HNRNPLL: variants seen among roughly 807,000 people sequenced by gnomAD.
The protein encoded by HNRNPLL is heterogeneous nuclear ribonucleoprotein L-like.
A neutral mutation model predicts 67.1 loss-of-function variants in HNRNPLL; 25 were observed. That is an observed-to-expected ratio of 0.37 (90% CI 0.27 to 0.52). The LOEUF is 0.52. HNRNPLL is among the 20% of genes least tolerant of loss of function. The pLI is 0.90. For synonymous variants in HNRNPLL, 267 were observed against 241.7 expected (o/e 1.10, Z -0.97); for missense variants, 542 against 673.9 (o/e 0.80, Z 2.17).
At chr2:38,573,675 C>T (rs1169511451) in intron 7 of HNRNPLL, among the ~76,000 whole-genome samples, 1 of 151,828 alleles carries the variant, frequency 6.6e-6, no homozygotes, top group African/African-American at 2.4e-5. Context: ...TATAAGCTTA[C>T]ATTTTTAAAA....
intron 8 of HNRNPLL, among the ~76,000 whole-genome samples, chr2:38,572,404 G>A (rs1378387646): frequency 6.6e-6 from 1 of 152,004 alleles, no homozygotes; most frequent in Non-Finnish European, 1.5e-5. Flanking sequence ...AGAACTTACT[G>A]TTGCAAAGAA....
chr2:38,587,977 T>C (rs1666800986), intron 2 of HNRNPLL, among the ~76,000 whole-genome samples: 2 of 152,008 alleles, frequency 1.3e-5, no homozygotes, highest in South Asian at 4.1e-4. Flanking sequence ...TCTCCTCTCT[T>C]TTTTTTCTCT....
At chr2:38,576,705 CCCAAGACTA>C (rs2148350353) in intron 7 of HNRNPLL, among the ~76,000 whole-genome samples, 1 of 151,938 alleles carries the variant, frequency 6.6e-6, no homozygotes, top group South Asian at 2.1e-4. Context: ...GGTGACCAAT[CCCAAGACTA>C]CAATATAGCA....
At chr2:38,594,970 C>T (rs1369032282) in intron 1 of HNRNPLL, among the ~76,000 whole-genome samples, 1 of 150,658 alleles carries the variant, frequency 6.6e-6, no homozygotes, top group Non-Finnish European at 1.5e-5. Flanking sequence ...TACCCACCAT[C>T]CAATTTAATA....
At chr2:38,593,564 G>C (rs1412203957) in intron 1 of HNRNPLL, among the ~76,000 whole-genome samples, 1 of 152,182 alleles carries the variant, frequency 6.6e-6, no homozygotes, top group Non-Finnish European at 1.5e-5. Flanking sequence ...CCAGTGGAGG[G>C]AAGATTCTAT....
chr2:38,579,543 T>C (rs991194084), intron 6 of HNRNPLL, among the ~76,000 whole-genome samples: 2 of 151,956 alleles, frequency 1.3e-5, no homozygotes, highest in African/African-American at 4.8e-5. Flanking sequence ...TTCTAAACAG[T>C]GGTAAGCTTT....
Position 38,591,535 on chromosome 2 carries a change from T to C in HNRNPLL, c.303A>G (p.Thr101=), listed in dbSNP as rs1421122864. 1.9e-6 allele frequency: 3 copies of C among 1,578,858 alleles called. No homozygotes were observed. Among genetic ancestry groups the C allele is most frequent in the East Asian group, 2.2e-5 (1 of 44,730 alleles). ...GAAGTCCCTATCATCCTTACCATAT[T>C]GTCCCAAATTTTTCCAGCGCTTCCA... ...DLVEALEKFG[T]ICYVMMMPFK... is the part of the protein sequence containing the mutation. The change falls in exon 2 of 13, where the codon ACA becomes ACG. Residue 101 remains threonine (T), a synonymous_variant. Coordinates refer to ENST00000449105, the MANE Select transcript of HNRNPLL (RefSeq NM_138394.4).
chr2:38,585,926 C>A (rs760274683), intron 2 of HNRNPLL, 45 bp from the exon 3 acceptor site: 2 of 1,135,728 alleles, frequency 1.8e-6, no homozygotes, highest in Admixed American at 1.7e-5. Context: ...CAGCAAGTTC[C>A]GTTAACATTA....
In HNRNPLL at chr2:38,584,036, T is replaced by C. The variant is rs1666634093; in HGVS notation, c.547-110A>G. The C allele has an allele frequency of 6.3e-6, 3 of 472,468 alleles. No individual in the cohort carries two copies. The Admixed American group carries it at 1.2e-4, about 19-fold the overall frequency. 29.3% of individuals were successfully genotyped at this position (472,468 alleles called of 1,614,324 possible). ...CTATCAACTGTCAAGATGTCATTTC[T>C]ATTGATTAATAAAATTAATTCTTAA... is the stretch of plus-strand genomic sequence containing the variant. On this transcript the variant is annotated intron_variant, in intron 3 of 12. Transcript: ENST00000449105.
At chr2:38,582,318 G>T in intron 4 of HNRNPLL, 150 bp from the exon 5 acceptor site, 1 of 671,918 alleles carries the variant, frequency 1.5e-6, no homozygotes, top group South Asian at 1.9e-5. Context: ...AGAATTTTTT[G>T]TTTTGTTTTG....
At chr2:38,587,268 G>A (rs1666769666) in intron 2 of HNRNPLL, among the ~76,000 whole-genome samples, 1 of 152,142 alleles carries the variant, frequency 6.6e-6, no homozygotes, top group Admixed American at 6.5e-5. Context: ...ATAAAACTTG[G>A]AGAATTGTCA....
At chr2:38,569,717 T>G in intron 9 of HNRNPLL, 87 bp downstream of exon 9, 1 of 677,504 alleles carries the variant, frequency 1.5e-6, no homozygotes, top group South Asian at 2.9e-5. Flanking sequence ...CATTAAAATA[T>G]TCTCAAGTTG....
Position 38,582,001 on chromosome 2 carries a change from A to G in HNRNPLL, c.730-16T>C, listed in dbSNP as rs1558537444. The stretch of plus-strand genomic sequence containing the variant: ...GACGAGTTGGCTGTTAAGATTGAAA[A>G]TAATGTAAGTTCAAACTGCATATCC... On this transcript the variant is annotated splice_polypyrimidine_tract_variant and intron_variant, in intron 5 of 12. Coordinates refer to ENST00000449105, the MANE Select transcript of HNRNPLL (RefSeq NM_138394.4). 1 of 1,608,148 alleles carries G rather than the reference A, an allele frequency of 6.2e-7. No homozygotes were observed. The highest frequency in any genetic ancestry group is 1.3e-5 in the African/African-American group (1 of 74,910).
At chr2:38,578,955 C>T (rs1038366417) in intron 6 of HNRNPLL, among the ~76,000 whole-genome samples, 7 of 152,058 alleles carry the variant, frequency 4.6e-5, no homozygotes, top group African/African-American at 9.7e-5. Context: ...TGGCTTCTAA[C>T]GTCTCTCATC....
At chr2:38,599,760 C>A in intron 1 of HNRNPLL, 1 of 366,404 alleles carries the variant, frequency 2.7e-6, no homozygotes, top group Non-Finnish European at 5.5e-6. Flanking sequence ...TCACTTTCCT[C>A]TTTAAATGTA....
chr2:38,587,814 G>T (rs1176911117), intron 2 of HNRNPLL, among the ~76,000 whole-genome samples: 1 of 152,206 alleles, frequency 6.6e-6, no homozygotes, highest in Admixed American at 6.5e-5. Context: ...GATCGCCGAT[G>T]TAGGAAGTGG....
In HNRNPLL at chr2:38,573,391, T is replaced by C; in HGVS notation, c.911A>G (p.Tyr304Cys). Reference sequence around the variant, plus strand: ...AGGTGTATCTCGAGAGCCCATTCTGTAACGACTTGGTAAAGGCAATAATGG... The same window carrying C: ...AGGTGTATCTCGAGAGCCCATTCTGCAACGACTTGGTAAAGGCAATAATGG... The part of the protein sequence containing the change: ...HGPLLPLPSR[Y>C]RMGSRDTPEL... The change falls in exon 8 of 13, where the codon TAC becomes TGC. Residue 304 changes from tyrosine (Y) to cysteine (C), a missense_variant. Tyr to Cys is a radical substitution (Grantham distance 194, BLOSUM62 -2). This residue lies in a region of HNRNPLL where 415 missense variants were observed against 575.2 expected (regional missense o/e 0.72). Coordinates refer to ENST00000449105, the MANE Select transcript of HNRNPLL (RefSeq NM_138394.4). The C allele has an allele frequency of 1.2e-6, 2 of 1,611,452 alleles. No homozygotes were observed. Among genetic ancestry groups the C allele is most frequent in the Middle Eastern group, 1.7e-4 (1 of 6,044 alleles).
At chr2:38,569,377 A>T in intron 9 of HNRNPLL, 43 bp from the exon 10 acceptor site, 4 of 1,418,222 alleles carry the variant, frequency 2.8e-6, no homozygotes, top group Non-Finnish European at 4.0e-6. Context: ...ACTTTGTTAG[A>T]TAAAAAGCAG....
intron 4 of HNRNPLL, 49 bp from the exon 5 acceptor site, chr2:38,582,217 T>G: frequency 8.6e-7 from 1 of 1,165,984 alleles, no homozygotes; most frequent in Non-Finnish European, 1.3e-6. Context: ...TACTTAATCA[T>G]TATTCACTCC....
Sources: allele counts gnomAD v4.1 joint callset (sites outside exome capture counted in the v4.1 genomes callset), GRCh38; gene constraint gnomAD v4.1.1; regional missense constraint gnomAD v4.1.1; transcripts MANE v1.5; gene names NCBI Gene and HGNC (gene_info 2026-07-23, HGNC 2026-07-21).